MS4A10: variants seen among roughly 807,000 people sequenced by gnomAD.
MS4A10 encodes membrane-spanning 4-domains subfamily A member 10.
MS4A10 carries 27 observed loss-of-function variants against 27.7 expected under a neutral mutation model. The observed-to-expected ratio is 0.98, with a 90% confidence interval of 0.72 to 1.35. MS4A10 has a LOEUF of 1.35. Ranked by LOEUF, MS4A10 falls within the 40% of genes most tolerant of loss-of-function variation. The pLI is 0.00. For missense variants in MS4A10, 338 were observed against 324.7 expected (o/e 1.04, Z -0.32); for synonymous variants, 139 against 131.2 (o/e 1.06, Z -0.41).
At position 60,790,323 on chromosome 11, in the gene MS4A10, CCATCCAG is replaced by C. The variant is rs1854407793; in HGVS notation, c.-8_-2del. ...CCTCCCCGTCCTGCAGCCAGGGCCC[CCATCCAG>C]CATCAATGAAAGCAGAAGCCACAGT... On this transcript the variant is annotated 5_prime_UTR_variant, in exon 2 of 8. Coordinates refer to ENST00000308287, the MANE Select transcript of MS4A10 (RefSeq NM_206893.4). The C allele has an allele frequency of 6.2e-7, 1 of 1,613,268 alleles. No homozygotes were observed. The highest frequency in any genetic ancestry group is 8.5e-7 in the Non-Finnish European group (1 of 1,179,566).
chr11:60,791,732 C>T (rs1854433900), intron 3 of MS4A10, among the ~76,000 whole-genome samples: 1 of 152,252 alleles, frequency 6.6e-6, no homozygotes. Flanking sequence ...CAGGATGGGG[C>T]TTTCACTGCA....
chr11:60,788,049 TAAATAATA>T (rs1420613856), intron 1 of MS4A10, among the ~76,000 whole-genome samples: 1 of 150,826 alleles, frequency 6.6e-6, no homozygotes, highest in African/African-American at 2.4e-5. Flanking sequence ...AATAAATAAA[TAAATAATA>T]AAGATTATAT....
In MS4A10 at chr11:60,798,437, C is replaced by CA. The variant is rs1194256962; in HGVS notation, c.648dup (p.Gly217ArgfsTer30). ...TTGTTCCGAATACACCATTGCATCT[C>CA]AAAGGCCTGCCGGTGGAGCCCCCGC... On this transcript the variant is annotated frameshift_variant, in exon 7 of 8. Transcript: ENST00000308287. LOFTEE classifies it high-confidence loss of function. 1.2e-5 allele frequency: 20 copies of CA among 1,614,136 alleles called. No homozygotes were observed. The highest frequency in any genetic ancestry group is 1.6e-5 in the Non-Finnish European group (19 of 1,180,006).
rs1854412768 is a variant in MS4A10 at position 60,790,500 on chromosome 11, C to T, written c.165C>T (p.Ser55=). ...HQHEKSQKKS[S]LLKELGAFHI... ...ACGAGAAGTCCCAGAAGAAGAGCAG[C>T]CTTCTTAAGGAGCTGGGGGTGAGCA... Residue 55 remains serine (S), a synonymous_variant, in exon 2 of 8, where the codon AGC becomes AGT. Transcript: ENST00000308287. 1 of 1,614,128 alleles carries T rather than the reference C, an allele frequency of 6.2e-7. No homozygotes were observed. The highest frequency in any genetic ancestry group is 8.5e-7 in the Non-Finnish European group (1 of 1,180,032).
intron 7 of MS4A10, among the ~76,000 whole-genome samples, chr11:60,799,128 T>C (rs188967914): frequency 6.6e-6 from 1 of 152,306 alleles, no homozygotes; most frequent in African/African-American, 2.4e-5. Context: ...CCTCAGTGTC[T>C]CCATCTGTAA....
At chr11:60,798,633 T>C (rs2134759082) in intron 7 of MS4A10, 119 bp downstream of exon 7, 1 of 760,796 alleles carries the variant, frequency 1.3e-6, no homozygotes, top group Non-Finnish European at 2.2e-6. Flanking sequence ...CTAACAGTGC[T>C]GCAGCTAGAA....
intron 6 of MS4A10, 135 bp from the exon 7 acceptor site, chr11:60,798,261 C>A: frequency 1.5e-6 from 1 of 686,578 alleles, no homozygotes; most frequent in East Asian, 2.6e-5. Flanking sequence ...GAAGTCGCTT[C>A]GTCTCTCAAG....
chr11:60,800,682 T>G lies in MS4A10; in HGVS notation c.*773T>G, dbSNP rs592637. 79,889 of 152,004 alleles carry G rather than the reference T, an allele frequency of 0.53. 21,522 individuals carry two copies. The highest frequency in any genetic ancestry group is 0.58 in the African/African-American group (24,144 of 41,422). 9.4% of individuals were successfully genotyped at this position (152,004 alleles called of 1,614,324 possible). A position where few individuals can be genotyped will look rare whatever the true frequency, so the allele number is the denominator to read the frequency against. On this transcript the variant is annotated 3_prime_UTR_variant, in exon 8 of 8. Coordinates refer to ENST00000308287, the MANE Select transcript of MS4A10 (RefSeq NM_206893.4). ...CTGATCTGCTGCTTCTAACCTTCTA[T>G]AGATTGCAGCTGGCTTTAAAATAGA...
At chr11:60,788,813 G>A (rs1185362614) in intron 1 of MS4A10, among the ~76,000 whole-genome samples, 9 of 152,210 alleles carry the variant, frequency 5.9e-5, no homozygotes, top group African/African-American at 1.9e-4. Context: ...GAGCACTGGC[G>A]ATGGAGTAAG....
intron 1 of MS4A10, among the ~76,000 whole-genome samples, chr11:60,785,851 G>A (rs1402169041): frequency 2.0e-5 from 3 of 152,020 alleles, no homozygotes; most frequent in Admixed American, 1.3e-4. Context: ...GGGACTTGTC[G>A]AGGGCCACGA....
rs759208340 is a variant in MS4A10, at chr11:60,790,331, C to A, written c.-5C>A. The A allele has an allele frequency of 9.9e-6, 16 of 1,613,800 alleles. 1 individual carries two copies. The South Asian group carries it at 1.8e-4, about 18-fold the overall frequency. On this transcript the variant is annotated 5_prime_UTR_variant, in exon 2 of 8. Transcript: ENST00000308287. ...TCCTGCAGCCAGGGCCCCCATCCAG[C>A]ATCAATGAAAGCAGAAGCCACAGTT...
intron 3 of MS4A10, 67 bp from the exon 4 acceptor site, chr11:60,792,198 G>A: frequency 8.2e-7 from 1 of 1,215,590 alleles, no homozygotes; most frequent in Non-Finnish European, 1.2e-6. Flanking sequence ...ATAGGGGTGG[G>A]GGTGGGAATT....
chr11:60,794,904 C>T (rs112089571), intron 5 of MS4A10, among the ~76,000 whole-genome samples: 6 of 152,252 alleles, frequency 3.9e-5, no homozygotes, highest in African/African-American at 1.4e-4. Context: ...AGGCAGGTCT[C>T]GAACTCCTGA....
chr11:60,787,365 G>A lies in MS4A10; in HGVS notation c.-23+1944G>A, dbSNP rs144456859. Among the ~76,000 whole-genome samples the A allele has an allele frequency of 6.7e-3, 1,022 of 152,314 alleles. 11 individuals carry two copies. The highest frequency in any genetic ancestry group is 0.011 in the Non-Finnish European group (743 of 68,030). On this transcript the variant is annotated intron_variant, in intron 1 of 7. Coordinates refer to ENST00000308287, the MANE Select transcript of MS4A10 (RefSeq NM_206893.4). ...GGACAGCTGGGAATAAGTGTTCTAAGGAATCAGAGTTCATGCTCTTTGTCT... is the reference window on the plus strand; with the variant it reads ...GGACAGCTGGGAATAAGTGTTCTAAAGAATCAGAGTTCATGCTCTTTGTCT...
intron 7 of MS4A10, 123 bp downstream of exon 7, chr11:60,798,637 G>A (rs1591002247): frequency 2.8e-6 from 2 of 726,690 alleles, no homozygotes; most frequent in Non-Finnish European, 4.7e-6. Flanking sequence ...CAGTGCTGCA[G>A]CTAGAACTGC....
In MS4A10 at chr11:60,799,831, C is replaced by T; in HGVS notation, c.726C>T (p.Leu242=). 1 of 1,400,008 alleles carries T rather than the reference C, an allele frequency of 7.1e-7. No individual in the cohort carries two copies. The highest frequency in any genetic ancestry group is 1.2e-5 in the South Asian group (1 of 84,732). The allele number at this position is 1,400,008 out of a possible 1,614,324, so 86.7% of individuals were successfully genotyped here. The change falls in exon 8 of 8, where the codon CTC becomes CTT. Residue 242 remains leucine, a synonymous_variant. Transcript: ENST00000308287. The part of the protein sequence containing the change: ...GDAQHKQHQR[L]REVKQVAPDT... The stretch of plus-strand genomic sequence containing the variant: ...TTAATATCTCCATTTCATGCAGGCT[C>T]AGAGAAGTTAAGCAAGTTGCCCCGG...
chr11:60,787,093 G>A lies in MS4A10; in HGVS notation c.-23+1672G>A, dbSNP rs139258434. ...CCACTCCCAGAACTGAAGGAACAACGAGAATATGTGTGGGACCCAGGCATC... is the reference window on the plus strand; with the variant it reads ...CCACTCCCAGAACTGAAGGAACAACAAGAATATGTGTGGGACCCAGGCATC... On this transcript the variant is annotated intron_variant, in intron 1 of 7. Transcript: ENST00000308287. Among the ~76,000 whole-genome samples the A allele has an allele frequency of 1.7e-3, 256 of 152,262 alleles. 1 individual carries two copies. Among genetic ancestry groups the A allele is most frequent in the African/African-American group, 5.3e-3 (222 of 41,552 alleles).
intron 6 of MS4A10, among the ~76,000 whole-genome samples, chr11:60,796,640 G>A (rs1157754962): frequency 6.6e-6 from 1 of 152,096 alleles, no homozygotes; most frequent in Admixed American, 6.5e-5. Flanking sequence ...GCAAGCTGAG[G>A]TCCAGAGAGG....
chr11:60,794,841 C>T (rs548681851), intron 5 of MS4A10, among the ~76,000 whole-genome samples: 117 of 152,160 alleles, frequency 7.7e-4, no homozygotes, highest in African/African-American at 2.6e-3. Context: ...GCCACCACCA[C>T]GCCAGGCTAA....
Sources: gnomAD v4.1 joint callset for allele counts (sites outside exome capture counted in the v4.1 genomes callset) on GRCh38, gnomAD v4.1.1 for gene constraint, MANE v1.5 for transcripts, NCBI Gene and HGNC (gene_info 2026-07-23, HGNC 2026-07-21) for gene names.